PLCG2: variants seen among roughly 807,000 people sequenced by gnomAD.
PLCG2 encodes phospholipase C gamma 2, also known as 1-phosphatidylinositol 4,5-bisphosphate phosphodiesterase gamma-2.
PLCG2 carries 69 observed loss-of-function variants against 175.6 expected under a neutral mutation model. The observed-to-expected ratio is 0.39, with a 90% confidence interval of 0.32 to 0.48. The LOEUF (loss-of-function observed/expected upper bound fraction) is 0.48, where lower values mean the gene tolerates loss of function less well. Ranked by LOEUF, PLCG2 falls within the 20% of genes least tolerant of loss-of-function variation. The probability of loss-of-function intolerance (pLI) is 0.91; values close to 1 mark genes in which losing one functional copy is unlikely to be tolerated. For synonymous variants in PLCG2, 827 were observed against 624.0 expected, an observed-to-expected ratio of 1.33 and a Z score of -4.85; for missense variants, 1,798 against 1,650.9, an observed-to-expected ratio of 1.09 and a Z score of -1.54.
intron 2 of PLCG2, among the ~76,000 whole-genome samples, chr16:81,837,680 ATG>A (rs943434039): frequency 1.5e-4 from 22 of 142,024 alleles, no homozygotes; most frequent in Admixed American, 7.0e-5. Flanking sequence ...TGGTACCAAC[ATG>A]TGTTTTTTTT....
At chr16:81,949,082 T>C (rs1473114988) in intron 31 of PLCG2, among the ~76,000 whole-genome samples, 1 of 152,014 alleles carries the variant, frequency 6.6e-6, no homozygotes, top group Admixed American at 6.5e-5. Context: ...CCAAAGATAA[T>C]GTGAAGGAAA....
chr16:81,854,655 T>C (rs927247966), intron 3 of PLCG2, 68 bp downstream of exon 3: 5 of 1,423,790 alleles, frequency 3.5e-6, no homozygotes, highest in Admixed American at 3.4e-5. Context: ...AGTTCGCTAA[T>C]AGCAGAATGC....
intron 31 of PLCG2, among the ~76,000 whole-genome samples, chr16:81,955,922 A>G (rs1911549487): frequency 1.3e-5 from 2 of 152,170 alleles, no homozygotes; most frequent in Admixed American, 6.5e-5. Context: ...ATATAACCAC[A>G]TATCATATAA....
intron 2 of PLCG2, chr16:81,767,655 GTTC>G (rs1483353817): frequency 6.6e-6 from 1 of 151,516 alleles, no homozygotes; most frequent in African/African-American, 2.4e-5. Context: ...GTTTTTTTTA[GTTC>G]TATAAGTTTT....
At chr16:81,935,811 T>C (rs1452994194) in intron 26 of PLCG2, 1 of 985,218 alleles carries the variant, frequency 1.0e-6, no homozygotes, top group African/African-American at 1.7e-5. Context: ...CTCTGGATCT[T>C]CCCCTCCCAA....
chr16:81,858,614 C>T (rs2143489034), intron 4 of PLCG2, among the ~76,000 whole-genome samples: 2 of 152,206 alleles, frequency 1.3e-5, no homozygotes, highest in African/African-American at 4.8e-5. Context: ...AGAAACATTC[C>T]TGGGGTATGT....
chr16:81,936,131 GAC>G (rs1298774494), intron 26 of PLCG2, 36 bp from the exon 27 acceptor site: 1 of 1,609,192 alleles, frequency 6.2e-7, no homozygotes, highest in Non-Finnish European at 8.5e-7. Flanking sequence ...GCACAGATGA[GAC>G]ACAGAAGTAC....
At chr16:81,899,213 A>AAAAT (rs1032932996) in intron 13 of PLCG2, among the ~76,000 whole-genome samples, 3 of 151,802 alleles carry the variant, frequency 2.0e-5, no homozygotes, top group Admixed American at 2.0e-4. Flanking sequence ...TAAATAAAAT[A>AAAAT]AAATAAATAA....
At chr16:81,789,123 A>G (rs914516630) in intron 2 of PLCG2, among the ~76,000 whole-genome samples, 1 of 129,808 alleles carries the variant, frequency 7.7e-6, no homozygotes, top group African/African-American at 2.6e-5. Flanking sequence ...AACTTAAAGT[A>G]AAATAAAATA....
chr16:81,753,829 T>C (rs1333653391), intron 1 of PLCG2, among the ~76,000 whole-genome samples: 2 of 152,118 alleles, frequency 1.3e-5, no homozygotes, highest in African/African-American at 4.8e-5. Flanking sequence ...AGCCGTTTTA[T>C]CTCCAGGAGA....
At chr16:81,874,772 G>A (rs1160650633) in intron 7 of PLCG2, among the ~76,000 whole-genome samples, 2 of 152,044 alleles carry the variant, frequency 1.3e-5, no homozygotes, top group Non-Finnish European at 2.9e-5. Context: ...TCCACCTCTC[G>A]AGCTTCAGAG....
intron 19 of PLCG2, among the ~76,000 whole-genome samples, chr16:81,914,986 G>A (rs1157460177): frequency 6.6e-6 from 1 of 152,192 alleles, no homozygotes; most frequent in East Asian, 1.9e-4. Context: ...CTAAGTCATT[G>A]TAACAATCAA....
rs755326778 is a variant in PLCG2, at chr16:81,928,581, G to A, written c.2538G>A (p.Gly846=). 2 of 1,607,470 alleles carry A rather than the reference G, an allele frequency of 1.2e-6. No homozygotes were observed. Among genetic ancestry groups the A allele is most frequent in the Non-Finnish European group, 8.5e-7 (1 of 1,173,928 alleles). ...EKQIIEDNPL[G]SLCRGILDLN... ...AGATTATTGAAGACAATCCCTTAGG[G>A]TCTCTTTGCAGAGGAATATTGGACC... The change falls in exon 24 of 33, where the codon GGG becomes GGA. Residue 846 remains glycine, a synonymous_variant. Coordinates refer to ENST00000564138, the MANE Select transcript of PLCG2 (RefSeq NM_002661.5).
At chr16:81,787,570 A>C (rs539405150) in intron 2 of PLCG2, among the ~76,000 whole-genome samples, 2 of 150,082 alleles carry the variant, frequency 1.3e-5, no homozygotes, top group East Asian at 3.9e-4. Flanking sequence ...TGATTGAGAC[A>C]TAATTCACAT....
chr16:81,887,685 C>G (rs1908438999), intron 9 of PLCG2, among the ~76,000 whole-genome samples: 1 of 152,180 alleles, frequency 6.6e-6, no homozygotes, highest in African/African-American at 2.4e-5. Context: ...CCCATCTAAG[C>G]ACACACACAT....
At chr16:81,791,152 G>A (rs1490718442) in intron 2 of PLCG2, among the ~76,000 whole-genome samples, 2 of 152,150 alleles carry the variant, frequency 1.3e-5, no homozygotes, top group African/African-American at 4.8e-5. Context: ...TGCAAGAGGG[G>A]GAGACAGACT....
At chr16:81,900,171 A>G (rs1175089762) in intron 13 of PLCG2, among the ~76,000 whole-genome samples, 1 of 152,264 alleles carries the variant, frequency 6.6e-6, no homozygotes, top group Non-Finnish European at 1.5e-5. Flanking sequence ...TACTTTATAA[A>G]TAGAGGAAGT....
chr16:81,850,138 C>G (rs1025500425), intron 2 of PLCG2, among the ~76,000 whole-genome samples: 2 of 152,134 alleles, frequency 1.3e-5, no homozygotes, highest in Non-Finnish European at 2.9e-5. Flanking sequence ...TTTTATTTGT[C>G]TTCAAGTCTA....
At chr16:81,935,579 T>A (rs1255440847) in intron 26 of PLCG2, 1 of 984,988 alleles carries the variant, frequency 1.0e-6, no homozygotes, top group African/African-American at 1.7e-5. Context: ...TCAGTTAACT[T>A]ACCGGGAGGC....
Sources: allele counts gnomAD v4.1 joint callset (sites outside exome capture counted in the v4.1 genomes callset), GRCh38; gene constraint gnomAD v4.1.1; transcripts MANE v1.5; gene names NCBI Gene and HGNC (gene_info 2026-07-23, HGNC 2026-07-21).